Variants in SAMD3 observed in about 807,000 individuals in gnomAD.
SAMD3 encodes sterile alpha motif domain-containing protein 3.
In SAMD3, 63 loss-of-function variants were observed where a neutral mutation model predicts 58.5. The ratio of observed to expected loss-of-function variants is 1.08; its 90% CI spans 0.88 to 1.33. The LOEUF (loss-of-function observed/expected upper bound fraction) is 1.33. Ranked by LOEUF, SAMD3 falls within the 40% of genes most tolerant of loss-of-function variation. The pLI, the probability that SAMD3 is intolerant of heterozygous loss-of-function variation, is 0.00. For missense variants in SAMD3, 604 were observed against 608.4 expected (o/e 0.99, Z 0.08); for synonymous variants, 220 against 210.3 (o/e 1.05, Z -0.40).
intron 7 of SAMD3, among the ~76,000 whole-genome samples, chr6:130,180,978 G>A (rs894213519): frequency 9.3e-5 from 5 of 53,706 alleles, no homozygotes; most frequent in East Asian, 1.3e-3. Flanking sequence ...ACGGAGTTCC[G>A]CTCTTGTTAC....
chr6:130,245,295 C>T (rs908824959), intron 2 of SAMD3, among the ~76,000 whole-genome samples: 21 of 152,324 alleles, frequency 1.4e-4, no homozygotes, highest in Admixed American at 6.5e-4. Flanking sequence ...GGACTCTTAG[C>T]TTTGGAAAGG....
intron 5 of SAMD3, among the ~76,000 whole-genome samples, chr6:130,202,861 T>C (rs1335250786): frequency 1.3e-5 from 2 of 152,154 alleles, no homozygotes; most frequent in African/African-American, 4.8e-5. Flanking sequence ...GCCCTGGGAC[T>C]CAGGATCTAA....
intron 8 of SAMD3, chr6:130,162,141 G>T (rs1790333472): frequency 7.8e-6 from 5 of 637,840 alleles, no homozygotes; most frequent in Middle Eastern, 5.1e-4. Flanking sequence ...CGTATGCTAT[G>T]CTTCCTTTAC....
intron 2 of SAMD3, among the ~76,000 whole-genome samples, chr6:130,282,990 C>T (rs961655591): frequency 1.4e-4 from 21 of 151,876 alleles, no homozygotes; most frequent in African/African-American, 4.6e-4. Context: ...TCCTAGGGCA[C>T]TGGTCGAGAT....
downstream of SAMD3, chr6:130,144,304 A>T (rs768177847): frequency 1.9e-6 from 1 of 534,602 alleles, no homozygotes; most frequent in Non-Finnish European, 3.2e-6. Context: ...CTCAAAATAA[A>T]TCGACAGCTC....
At chr6:130,250,306 C>T (rs1429781228) in intron 2 of SAMD3, among the ~76,000 whole-genome samples, 1 of 152,168 alleles carries the variant, frequency 6.6e-6, no homozygotes, top group Non-Finnish European at 1.5e-5. Flanking sequence ...AAAACAGGGT[C>T]TACCAGGCGC....
chr6:130,297,355 T>C (rs1775604802), intron 2 of SAMD3, among the ~76,000 whole-genome samples: 1 of 151,922 alleles, frequency 6.6e-6, no homozygotes, highest in African/African-American at 2.4e-5. Flanking sequence ...AGTCAGGCCC[T>C]CAAGAGAAAA....
chr6:130,185,424 G>A (rs1792843176), intron 5 of SAMD3, among the ~76,000 whole-genome samples: 1 of 151,984 alleles, frequency 6.6e-6, no homozygotes, highest in Non-Finnish European at 1.5e-5. Flanking sequence ...CGCCTCCTGG[G>A]TTCAAGTGAC....
intron 7 of SAMD3, among the ~76,000 whole-genome samples, chr6:130,180,512 G>A (rs1023292): frequency 0.89 from 135,704 of 151,994 alleles, 60,738 homozygotes; most frequent in East Asian, 0.98. Context: ...AAACAAACAA[G>A]CAAACAAATA....
chr6:130,315,431 T>G (rs1583092895), intron 1 of SAMD3, among the ~76,000 whole-genome samples: 4 of 152,280 alleles, frequency 2.6e-5, no homozygotes, highest in Admixed American at 2.6e-4. Context: ...CATAAAGTCA[T>G]TTGGCCTGTC....
At chr6:130,264,964 C>T (rs1774286479) in intron 2 of SAMD3, among the ~76,000 whole-genome samples, 2 of 152,198 alleles carry the variant, frequency 1.3e-5, no homozygotes, top group Non-Finnish European at 2.9e-5. Context: ...GGCTGGCCCC[C>T]ATGTCTAAGG....
At chr6:130,215,382 T>C in intron 2 of SAMD3, 88 bp from the exon 3 acceptor site, 4 of 1,258,716 alleles carry the variant, frequency 3.2e-6, no homozygotes, top group Admixed American at 3.0e-5. Flanking sequence ...CTTCCTTTGC[T>C]AGACTCCTTT....
intron 2 of SAMD3, among the ~76,000 whole-genome samples, chr6:130,267,171 A>G (rs953444753): frequency 6.6e-6 from 1 of 152,228 alleles, no homozygotes; most frequent in Non-Finnish European, 1.5e-5. Context: ...ACATAGTTAA[A>G]GATATAACAA....
chr6:130,324,772 ATT>A (rs5880015), intron 1 of SAMD3, among the ~76,000 whole-genome samples: 1 of 147,602 alleles, frequency 6.8e-6, no homozygotes. Context: ...TTTGGAGAAC[ATT>A]TTTTTTTTTT....
At chr6:130,187,144 C>G (rs935754494) in intron 5 of SAMD3, among the ~76,000 whole-genome samples, 1 of 152,088 alleles carries the variant, frequency 6.6e-6, no homozygotes, top group Non-Finnish European at 1.5e-5. Flanking sequence ...CATCTATTTC[C>G]TTTTCCCCAG....
intron 1 of SAMD3, among the ~76,000 whole-genome samples, chr6:130,314,689 A>G (rs902894371): frequency 6.6e-6 from 1 of 152,190 alleles, no homozygotes; most frequent in African/African-American, 2.4e-5. Context: ...GATAGGTGGA[A>G]ATTCTTCACA....
intron 8 of SAMD3, among the ~76,000 whole-genome samples, chr6:130,157,428 T>A (rs1193635957): frequency 1.3e-5 from 2 of 151,940 alleles, no homozygotes; most frequent in African/African-American, 4.8e-5. Flanking sequence ...AGCCTCAAAC[T>A]TCCAGGCACA....
At chr6:130,241,870 G>A (rs937302169) in intron 2 of SAMD3, among the ~76,000 whole-genome samples, 2 of 151,916 alleles carry the variant, frequency 1.3e-5, no homozygotes, top group African/African-American at 4.8e-5. Flanking sequence ...ACAGCCACAG[G>A]TGTTTCTGTG....
At chr6:130,307,147 T>A (rs988826223) in intron 2 of SAMD3, among the ~76,000 whole-genome samples, 3 of 152,244 alleles carry the variant, frequency 2.0e-5, no homozygotes, top group African/African-American at 4.8e-5. Flanking sequence ...TATACACATA[T>A]CTAAACTTAC....
Sources: gnomAD v4.1 joint callset for allele counts (sites outside exome capture counted in the v4.1 genomes callset) on GRCh38, gnomAD v4.1.1 for gene constraint, MANE v1.5 for transcripts, NCBI Gene and HGNC (gene_info 2026-07-23, HGNC 2026-07-21) for gene names.